Variants in PRTN3 observed in about 807,000 individuals in gnomAD.
PRTN3 encodes proteinase 3, also known as myeloblastin.
Under a neutral mutation model 20.7 loss-of-function variants are expected in PRTN3, and 22 were observed. That is an observed-to-expected ratio of 1.06 (90% CI 0.76 to 1.52). The LOEUF is 1.52. Ranked by LOEUF, PRTN3 falls within the 40% of genes most tolerant of loss-of-function variation. PRTN3 has a pLI of 0.00. For synonymous variants in PRTN3, 173 were observed against 152.9 expected (o/e 1.13, Z -0.97); for missense variants, 378 against 359.6 (o/e 1.05, Z -0.41).
At chr19:843,692 A>C (rs2301879) in intron 2 of PRTN3, 66 bp downstream of exon 2, 1 of 1,507,606 alleles carries the variant, frequency 6.6e-7, no homozygotes, top group Non-Finnish European at 8.8e-7. Context: ...TGGCCCGGCC[A>C]CTGTCCCTCT....
intron 1 of PRTN3, among the ~76,000 whole-genome samples, chr19:843,104 G>A (rs1394166722): frequency 6.6e-6 from 1 of 151,546 alleles, no homozygotes; most frequent in African/African-American, 2.4e-5. Context: ...TTGTAGAGAT[G>A]GGGTCCTCAC....
intron 1 of PRTN3, among the ~76,000 whole-genome samples, chr19:842,880 C>A (rs2035463793): frequency 6.7e-6 from 1 of 148,968 alleles, no homozygotes; most frequent in Non-Finnish European, 1.5e-5. Flanking sequence ...GGGCCAACCG[C>A]ACCCGACCAA....
intron 4 of PRTN3, among the ~76,000 whole-genome samples, chr19:847,419 A>G (rs1044353383): frequency 1.1e-4 from 16 of 152,042 alleles, no homozygotes; most frequent in African/African-American, 3.4e-4. Context: ...CCTGGGTGAC[A>G]GAGCGAGACT....
chr19:843,371 G>C (rs1016840450), intron 1 of PRTN3, 90 bp from the exon 2 acceptor site: 54 of 1,355,634 alleles, frequency 4.0e-5, no homozygotes, highest in East Asian at 8.3e-5. Context: ...ATCGGGAGAC[G>C]GAGGCTCGGA....
chr19:843,992 C>G lies in PRTN3; in HGVS notation c.327C>G (p.Asn109Lys). The change falls in exon 3 of 5, where the codon AAC becomes AAG. Residue 109 changes from asparagine (N) to lysine (K), a missense_variant. Coordinates refer to ENST00000234347, the MANE Select transcript of PRTN3 (RefSeq NM_002777.4). ...CGGTGGCTCAGGTGTTTCTGAACAA[C>G]TACGACGCGGAGAACAAACTGAACG... ...HFSVAQVFLN[N>K]YDAENKLNDV... The G allele has an allele frequency of 6.2e-7, 1 of 1,606,864 alleles. No homozygotes were observed. Among genetic ancestry groups the G allele is most frequent in the Non-Finnish European group, 8.5e-7 (1 of 1,177,144 alleles).
intron 4 of PRTN3, among the ~76,000 whole-genome samples, chr19:847,555 A>C (rs201299748): frequency 8.6e-6 from 1 of 115,826 alleles, no homozygotes; most frequent in Non-Finnish European, 1.8e-5. Context: ...AAGAAAAAGA[A>C]AGAGAGAGAG....
chr19:844,980 C>CTCAG (rs963006759), intron 3 of PRTN3, among the ~76,000 whole-genome samples: 1 of 140,614 alleles, frequency 7.1e-6, no homozygotes, highest in Non-Finnish European at 1.5e-5. Context: ...CAGAGTCTCA[C>CTCAG]TCAGTCATCC....
At chr19:843,247 T>G in intron 1 of PRTN3, 1 of 570,450 alleles carries the variant, frequency 1.8e-6, no homozygotes, top group Non-Finnish European at 3.1e-6. Context: ...CCTTCCTGAC[T>G]CTCAGGACTG....
chr19:843,679 C>T (rs964706412), intron 2 of PRTN3, 53 bp downstream of exon 2: 2 of 1,529,808 alleles, frequency 1.3e-6, no homozygotes, highest in Non-Finnish European at 1.7e-6. Flanking sequence ...CTTCCTCCAG[C>T]CCTGGCCCGG....
At chr19:847,555 A>AAGAAAGAGAG (rs764122589) in intron 4 of PRTN3, among the ~76,000 whole-genome samples, 23 of 115,904 alleles carry the variant, frequency 2.0e-4, no homozygotes, top group African/African-American at 6.3e-4. Context: ...AAGAAAAAGA[A>AAGAAAGAGAG]AGAGAGAGAG....
chr19:847,428 C>T (rs905780612), intron 4 of PRTN3, among the ~76,000 whole-genome samples: 15 of 150,430 alleles, frequency 1.0e-4, no homozygotes, highest in African/African-American at 3.7e-4. Flanking sequence ...CAGAGCGAGA[C>T]TCTGTCGCAA....
intron 1 of PRTN3, among the ~76,000 whole-genome samples, chr19:841,731 CTT>C (rs555166102): frequency 3.8e-5 from 5 of 130,122 alleles, no homozygotes; most frequent in Non-Finnish European, 6.4e-5. Flanking sequence ...TTTTCTTTTT[CTT>C]TTTTTTTTTT....
chr19:843,139 C>T (rs139539943), intron 1 of PRTN3, among the ~76,000 whole-genome samples: 105 of 152,272 alleles, frequency 6.9e-4, no homozygotes, highest in African/African-American at 1.9e-3. Context: ...TGGTCTTGAA[C>T]TCCTGAGCTC....
chr19:846,041 C>T (rs629631), intron 3 of PRTN3, 106 bp from the exon 4 acceptor site: 99,305 of 730,064 alleles, frequency 0.14, 12,550 homozygotes, highest in East Asian at 0.48. Flanking sequence ...GAGCGGCATC[C>T]GCGGCGTTTT....
chr19:843,745 C>A, intron 2 of PRTN3, 119 bp downstream of exon 2: 1 of 1,452,416 alleles, frequency 6.9e-7, no homozygotes, highest in South Asian at 1.4e-5. Context: ...AGACCCCAGG[C>A]CCCGCGCGCG....
intron 3 of PRTN3, among the ~76,000 whole-genome samples, chr19:845,539 C>T (rs1245386710): frequency 6.6e-6 from 1 of 151,668 alleles, no homozygotes; most frequent in East Asian, 1.9e-4. Flanking sequence ...ATATGGCAAA[C>T]CCCGTGTCTA....
At position 847,984 on chromosome 19, in the gene PRTN3, A is replaced by G. The variant is rs1334919075; in HGVS notation, c.*15A>G. The G allele has an allele frequency of 1.3e-6, 2 of 1,587,794 alleles. No individual in the cohort carries two copies. The highest frequency in any genetic ancestry group is 2.3e-5 in the East Asian group (1 of 43,898). On this transcript the variant is annotated 3_prime_UTR_variant, in exon 5 of 5. Transcript: ENST00000234347. ...GCCGCCCCTGAACCGCCCCTCCCACAGCGCTGGCCGGGACCCCGAGCCTGG... is the reference window on the plus strand; with the variant it reads ...GCCGCCCCTGAACCGCCCCTCCCACGGCGCTGGCCGGGACCCCGAGCCTGG...
intron 1 of PRTN3, 138 bp from the exon 2 acceptor site, chr19:843,323 T>G: frequency 1.1e-6 from 1 of 912,620 alleles, no homozygotes; most frequent in Non-Finnish European, 1.6e-6. Context: ...GGGCGCTGAG[T>G]CCTTCCCACC....
chr19:844,302 C>T (rs1325942536), intron 3 of PRTN3, among the ~76,000 whole-genome samples: 3 of 117,680 alleles, frequency 2.5e-5, no homozygotes, highest in Non-Finnish European at 5.4e-5. Context: ...CTCCCCCGCC[C>T]GCGCCTCTCC....
Sources: gnomAD v4.1 joint callset for allele counts (sites outside exome capture counted in the v4.1 genomes callset) on GRCh38, gnomAD v4.1.1 for gene constraint, MANE v1.5 for transcripts, NCBI Gene and HGNC (gene_info 2026-07-23, HGNC 2026-07-21) for gene names.